The following KIAA1614 variants were observed in gnomAD, a reference collection of about 807,000 sequenced individuals.
The protein encoded by KIAA1614 is KIAA1614.
In KIAA1614, 76 loss-of-function variants were observed where a neutral mutation model predicts 88.7. That is an observed-to-expected ratio of 0.86 (90% CI 0.71 to 1.04). The LOEUF is 1.04. Among genes scored for constraint, KIAA1614 ranks in the 50% least tolerant of loss-of-function variants. KIAA1614 has a pLI of 0.00. For missense variants in KIAA1614, 1,553 were observed against 1,582.5 expected (o/e 0.98, Z 0.32); for synonymous variants, 714 against 675.5 (o/e 1.06, Z -0.88).
chr1:180,928,211 G>A, intron 3 of KIAA1614: 1 of 495,240 alleles, frequency 2.0e-6, no homozygotes, highest in Non-Finnish European at 3.5e-6. Flanking sequence ...CAGCTCCCCA[G>A]CCCCCATCCA....
In KIAA1614 at chr1:180,946,543, C is replaced by T. The variant is rs1378460903; in HGVS notation, c.*955C>T. On this transcript the variant is annotated 3_prime_UTR_variant, in exon 9 of 9. Coordinates refer to ENST00000367588, the MANE Select transcript of KIAA1614 (RefSeq NM_020950.2). ...ATGCATCTCAAGGGCCCATAAAAGA[C>T]ATTCCCCAGAGGATCAGGGAAGGAA... 3 of 152,206 alleles carry T rather than the reference C, an allele frequency of 2.0e-5. No individual in the cohort carries two copies. The highest frequency in any genetic ancestry group is 4.8e-5 in the African/African-American group (2 of 41,366). 9.4% of individuals were successfully genotyped at this position (152,206 alleles called of 1,614,324 possible).
Position 180,951,587 on chromosome 1 carries a change from C to G in KIAA1614, c.*5999C>G, listed in dbSNP as rs1654726036. ...ATGGCCATGTGTCAGTCTTAACTTA[C>G]TAAAAAGCAAAGCTAAAGCTTCTCT... On this transcript the variant is annotated 3_prime_UTR_variant, in exon 9 of 9. Transcript: ENST00000367588. 6.6e-6 allele frequency: 1 copy of G among 152,350 alleles called. No homozygotes were observed. The highest frequency in any genetic ancestry group is 2.1e-4 in the South Asian group (1 of 4,840). The allele number at this position is 152,350 out of a possible 1,614,324, so 9.4% of individuals were successfully genotyped here. A position where few individuals can be genotyped will look rare whatever the true frequency, so the allele number is the denominator to read the frequency against.
chr1:180,913,957 G>A (rs1266156798), intron 1 of KIAA1614: 1 of 151,952 alleles, frequency 6.6e-6, no homozygotes, highest in Non-Finnish European at 1.5e-5. Context: ...GTGACATTTC[G>A]CATTATATGT....
intron 1 of KIAA1614, among the ~76,000 whole-genome samples, chr1:180,913,648 A>C (rs1039863014): frequency 2.0e-5 from 3 of 152,182 alleles, no homozygotes; most frequent in African/African-American, 7.2e-5. Flanking sequence ...TTTTGGAGCC[A>C]GGGTCTCGCT....
At chr1:180,928,393 C>A (rs1654115483) in intron 3 of KIAA1614, 37 bp from the exon 4 acceptor site, 1 of 1,488,354 alleles carries the variant, frequency 6.7e-7, no homozygotes, top group Admixed American at 2.3e-5. Flanking sequence ...TCCTCTAATC[C>A]CTCCCCCACC....
intron 5 of KIAA1614, 40 bp from the exon 6 acceptor site, chr1:180,938,515 G>A (rs770851802): frequency 6.9e-6 from 11 of 1,604,848 alleles, no homozygotes; most frequent in Non-Finnish European, 8.5e-6. Context: ...CCTGTGGGAT[G>A]AGCCGGTCTG....
chr1:180,922,070 C>T (rs1033430630), intron 3 of KIAA1614, among the ~76,000 whole-genome samples: 19 of 152,368 alleles, frequency 1.2e-4, no homozygotes, highest in African/African-American at 4.3e-4. Context: ...GCCAGGGCGG[C>T]CAGCCCGAGG....
At chr1:180,926,021 A>T (rs7521237) in intron 3 of KIAA1614, among the ~76,000 whole-genome samples, 6,760 of 152,218 alleles carry the variant, frequency 0.044, 332 homozygotes, top group African/African-American at 0.12. Context: ...GAGGAAAAGC[A>T]CTCAGCCACT....
At position 180,950,336 on chromosome 1, in the gene KIAA1614, G is replaced by T. The variant is rs1482112583; in HGVS notation, c.*4748G>T. The T allele has an allele frequency of 1.7e-6, 2 of 1,199,286 alleles. No individual in the cohort carries two copies. Among genetic ancestry groups the T allele is most frequent in the Admixed American group, 6.7e-5 (2 of 29,798 alleles). 74.3% of individuals were successfully genotyped at this position (1,199,286 alleles called of 1,614,324 possible). On this transcript the variant is annotated 3_prime_UTR_variant, in exon 9 of 9. Transcript: ENST00000367588. Reference sequence around the variant, plus strand: ...TTGTGAAATTCTCCTGTTTTCCTCTGCAGGGATCTACGTGCAGGAGATGGC... The same window carrying T: ...TTGTGAAATTCTCCTGTTTTCCTCTTCAGGGATCTACGTGCAGGAGATGGC...
At chr1:180,914,219 T>C (rs1361057592) in intron 1 of KIAA1614, among the ~76,000 whole-genome samples, 1 of 152,184 alleles carries the variant, frequency 6.6e-6, no homozygotes, top group Non-Finnish European at 1.5e-5. Flanking sequence ...GTAGAATCAA[T>C]ATTAAAACGC....
At chr1:180,925,198 T>A (rs1366785726) in intron 3 of KIAA1614, among the ~76,000 whole-genome samples, 1 of 152,184 alleles carries the variant, frequency 6.6e-6, no homozygotes, top group African/African-American at 2.4e-5. Flanking sequence ...AGCATGACAG[T>A]CTGAGACTAG....
chr1:180,920,490 G>A (rs1275294132), intron 3 of KIAA1614, among the ~76,000 whole-genome samples: 6 of 152,352 alleles, frequency 3.9e-5, no homozygotes, highest in East Asian at 3.9e-4. Context: ...GGAGGAAAGC[G>A]CAGGACCTCA....
At position 180,944,421 on chromosome 1, in the gene KIAA1614, C is replaced by T; in HGVS notation, c.3192C>T (p.Ala1064=). The change falls in exon 8 of 9, where the codon GCC becomes GCT. Residue 1064 remains alanine, a synonymous_variant. Transcript: ENST00000367588. ...VSPSHQRRKA[A]SFQNLHSLLS... Reference sequence around the variant, plus strand: ...CCTCTCACCAGCGTCGGAAAGCTGCCTCTTTTCAGAACCTCCATTCTCTGC... The same window carrying T: ...CCTCTCACCAGCGTCGGAAAGCTGCTTCTTTTCAGAACCTCCATTCTCTGC... 2 of 1,613,960 alleles carry T rather than the reference C, an allele frequency of 1.2e-6. No individual in the cohort carries two copies. The highest frequency in any genetic ancestry group is 2.2e-5 in the South Asian group (2 of 91,072).
At position 180,950,279 on chromosome 1, in the gene KIAA1614, TC is replaced by T; in HGVS notation, c.*4693del. 9.1e-7 allele frequency: 1 copy of T among 1,099,190 alleles called. No individual in the cohort carries two copies. The highest frequency in any genetic ancestry group is 1.1e-6 in the Non-Finnish European group (1 of 875,788). The allele number at this position is 1,099,190 out of a possible 1,614,324, so 68.1% of individuals were successfully genotyped here. On this transcript the variant is annotated 3_prime_UTR_variant, in exon 9 of 9. Coordinates refer to ENST00000367588, the MANE Select transcript of KIAA1614 (RefSeq NM_020950.2). Reference sequence around the variant, plus strand: ...AGCACCTCATCAACATGGTCAGCATTCCAGAGATGCACTTCTTCGATTTGGG... The same window carrying T: ...AGCACCTCATCAACATGGTCAGCATTCAGAGATGCACTTCTTCGATTTGGG...
rs1204869546 is a variant in KIAA1614 at position 180,916,204 on chromosome 1, C to T, written c.101C>T (p.Ala34Val). The change falls in exon 2 of 9, where the codon GCT (alanine) becomes GTT (valine). Residue 34 changes from alanine to valine, a missense_variant. By Grantham distance (64) the Ala-to-Val change is moderately conservative (BLOSUM62 0). Coordinates refer to ENST00000367588, the MANE Select transcript of KIAA1614 (RefSeq NM_020950.2). ...GCCAGCCCCGTGGAGGGGACCTCAG[C>T]TGTGGAGTGGAGTGGTCCTGAGCCA... ...GTASPVEGTS[A>V]VEWSGPEPQL... The T allele has an allele frequency of 7.5e-6, 12 of 1,606,884 alleles. No homozygotes were observed. In the East Asian group the frequency reaches 2.7e-4, roughly 36 times the overall value.
rs759050294 is a variant in KIAA1614, at chr1:180,936,438, T to C, written c.2529T>C (p.Pro843=). The C allele has an allele frequency of 2.5e-6, 4 of 1,614,118 alleles. No individual in the cohort carries two copies. The South Asian group carries it at 3.3e-5, about 13-fold the overall frequency. The change falls in exon 5 of 9, where the codon CCT becomes CCC. Residue 843 remains proline (P), a synonymous_variant. Coordinates refer to ENST00000367588, the MANE Select transcript of KIAA1614 (RefSeq NM_020950.2). ...LGDQTEPVGI[P]RPPSRSAVLR... Reference sequence around the variant, plus strand: ...ACCAGACAGAGCCTGTGGGTATCCCTCGGCCTCCTTCAAGAAGCGCGGTTC... The same window carrying C: ...ACCAGACAGAGCCTGTGGGTATCCCCCGGCCTCCTTCAAGAAGCGCGGTTC...
chr1:180,946,814 C>T lies in KIAA1614; in HGVS notation c.*1226C>T, dbSNP rs984204543. 5.9e-5 allele frequency: 9 copies of T among 152,236 alleles called. No individual in the cohort carries two copies. The highest frequency in any genetic ancestry group is 2.2e-4 in the African/African-American group (9 of 41,448). The allele number at this position is 152,236 out of a possible 1,614,324, so 9.4% of individuals were successfully genotyped here. ...CCATCATTGTTTCAGCAAATATATACTAAGCACCTACTATGTGTTATAGAT... is the reference window on the plus strand; with the variant it reads ...CCATCATTGTTTCAGCAAATATATATTAAGCACCTACTATGTGTTATAGAT... On this transcript the variant is annotated 3_prime_UTR_variant, in exon 9 of 9. Transcript: ENST00000367588.
chr1:180,920,177 G>A (rs1175986029), intron 3 of KIAA1614, among the ~76,000 whole-genome samples: 2 of 152,134 alleles, frequency 1.3e-5, no homozygotes, highest in Admixed American at 6.5e-5. Flanking sequence ...CTCTATCCCC[G>A]AGTCTCCTGG....
chr1:180,940,042 T>G (rs777042569), intron 6 of KIAA1614, among the ~76,000 whole-genome samples: 1 of 152,212 alleles, frequency 6.6e-6, no homozygotes, highest in Non-Finnish European at 1.5e-5. Flanking sequence ...CACCACTCCA[T>G]TTCAAAGAAG....
Sources: allele counts gnomAD v4.1 joint callset (sites outside exome capture counted in the v4.1 genomes callset), GRCh38; gene constraint gnomAD v4.1.1; transcripts MANE v1.5; gene names NCBI Gene and HGNC (gene_info 2026-07-23, HGNC 2026-07-21).